Variants in NCOA6 observed in about 807,000 individuals in gnomAD.
NCOA6 encodes nuclear receptor coactivator 6.
A neutral mutation model predicts 171.4 loss-of-function variants in NCOA6; 49 were observed. That is an observed-to-expected ratio of 0.29 (90% CI 0.23 to 0.36). The LOEUF (loss-of-function observed/expected upper bound fraction) is 0.36. Ranked by LOEUF, NCOA6 falls within the 10% of genes least tolerant of loss-of-function variation. The pLI, the probability that NCOA6 is intolerant of heterozygous loss-of-function variation, is 1.00. For missense variants in NCOA6, 2,248 were observed against 2,554.5 expected (o/e 0.88, Z 2.59); for synonymous variants, 910 against 927.5 (o/e 0.98, Z 0.34).
chr20:34,749,949 G>T lies in NCOA6; in HGVS notation c.2246C>A (p.Pro749Gln). The change falls in exon 9 of 15, where the codon CCA (proline) becomes CAA (glutamine). Residue 749 changes from proline to glutamine, a missense_variant. Coordinates refer to ENST00000359003, the MANE Select transcript of NCOA6 (RefSeq NM_014071.5). ...GPAQIMRGPT[P>Q]NMQGNMVQFT... ...CTGCACCATATTTCCTTGCATGTTTGGAGTTGGTCCCCTCATTATCTGGGC... is the reference window on the plus strand; with the variant it reads ...CTGCACCATATTTCCTTGCATGTTTTGAGTTGGTCCCCTCATTATCTGGGC... 6.2e-7 allele frequency: 1 copy of T among 1,614,132 alleles called. No homozygotes were observed. Among genetic ancestry groups the T allele is most frequent in the South Asian group, 1.1e-5 (1 of 91,084 alleles).
At chr20:34,792,322 A>G in intron 2 of NCOA6, 128 bp downstream of exon 2, 1 of 380,114 alleles carries the variant, frequency 2.6e-6, no homozygotes, top group East Asian at 3.7e-5. Context: ...GTATTTTATT[A>G]AATGTCTCCA....
chr20:34,731,407 G>T (rs1476082396), intron 13 of NCOA6, among the ~76,000 whole-genome samples: 2 of 152,218 alleles, frequency 1.3e-5, no homozygotes, highest in African/African-American at 4.8e-5. Context: ...GAAGGCTTGG[G>T]TTTGAATCTA....
chr20:34,719,823 A>C (rs1989096303), intron 14 of NCOA6, among the ~76,000 whole-genome samples: 1 of 152,216 alleles, frequency 6.6e-6, no homozygotes, highest in Non-Finnish European at 1.5e-5. Context: ...TTTCAAAATG[A>C]AGCTACTACA....
intron 2 of NCOA6, among the ~76,000 whole-genome samples, chr20:34,791,428 C>T (rs551447943): frequency 6.6e-6 from 1 of 152,234 alleles, no homozygotes; most frequent in East Asian, 1.9e-4. Flanking sequence ...CTTGTGGCAA[C>T]AGCTCTACAG....
chr20:34,782,341 G>A lies in NCOA6; in HGVS notation c.15C>T (p.Asp5=). 2 of 1,597,890 alleles carry A rather than the reference G, an allele frequency of 1.3e-6. No homozygotes were observed. Among genetic ancestry groups the A allele is most frequent in the Non-Finnish European group, 1.7e-6 (2 of 1,170,720 alleles). The change falls in exon 3 of 15, where the codon GAC becomes GAT. Residue 5 remains aspartate (D), a synonymous_variant. Coordinates refer to ENST00000359003, the MANE Select transcript of NCOA6 (RefSeq NM_014071.5). The stretch of plus-strand genomic sequence containing the variant: ...TATAGATGTCTTCTAAGTTTGGAAG[G>A]TCATCCAAAACCATGGTGAATATTA... MVLD[D]LPNLEDIYTS... is the part of the protein sequence containing the mutation.
At chr20:34,731,912 T>C (rs112265587) in intron 13 of NCOA6, among the ~76,000 whole-genome samples, 5,384 of 152,254 alleles carry the variant, frequency 0.035, 139 homozygotes, top group Non-Finnish European at 0.055. Context: ...TCCCAGCTAC[T>C]TGTGAGGCTG....
At position 34,775,305 on chromosome 20, in the gene NCOA6, GGTGTGTGTGT is replaced by G. The variant is rs112658298; in HGVS notation, c.391+978_391+987del. 6.4e-4 allele frequency among the ~76,000 whole-genome samples: 95 copies of G among 148,324 alleles called. 1 individual carries two copies. The highest frequency in any genetic ancestry group is 2.3e-3 in the African/African-American group (95 of 40,440). ...AGGGGTGTAGGGTTATAGGGGTGTA[GGTGTGTGTGT>G]GTGTGTGTGTGTGTCTGTGCGTGCG... On this transcript the variant is annotated intron_variant, in intron 4 of 14. Coordinates refer to ENST00000359003, the MANE Select transcript of NCOA6 (RefSeq NM_014071.5).
Position 34,738,178 on chromosome 20 carries a change from C to T in NCOA6, c.5894-1420G>A, listed in dbSNP as rs549690573. Among the ~76,000 whole-genome samples the T allele has an allele frequency of 2.0e-5, 3 of 152,306 alleles. No homozygotes were observed. In the South Asian group the frequency reaches 6.2e-4, roughly 32 times the overall value. On this transcript the variant is annotated intron_variant, in intron 11 of 14. Transcript: ENST00000359003. ...TCGGCCTCTCAACATGCTGAGATTA[C>T]AGGCATGAGCCACCGTGCCTGGCCA...
chr20:34,786,354 A>G (rs919549946), intron 2 of NCOA6, among the ~76,000 whole-genome samples: 2 of 151,960 alleles, frequency 1.3e-5, no homozygotes, highest in African/African-American at 4.8e-5. Context: ...CCTTCAGTTC[A>G]GCTCTATTCT....
intron 1 of NCOA6, among the ~76,000 whole-genome samples, chr20:34,802,036 A>C (rs1046980503): frequency 6.6e-6 from 1 of 152,222 alleles, no homozygotes; most frequent in African/African-American, 2.4e-5. Flanking sequence ...ATAGTTCCAA[A>C]CTCATTCTAC....
intron 14 of NCOA6, among the ~76,000 whole-genome samples, chr20:34,715,630 G>C (rs1358626745): frequency 6.6e-6 from 1 of 152,196 alleles, no homozygotes; most frequent in Admixed American, 6.5e-5. Context: ...AGGGTGGAGA[G>C]AGCCTTTGTA....
chr20:34,768,540 A>G lies in NCOA6; in HGVS notation c.438T>C (p.Asp146=), dbSNP rs779884283. Residue 146 remains aspartate, a synonymous_variant, in exon 5 of 15, where the codon GAT becomes GAC. Coordinates refer to ENST00000359003, the MANE Select transcript of NCOA6 (RefSeq NM_014071.5). ...CTCCCATGGGTCCATTCATTCTCAC[A>G]TCTTGGCTTCGGTTCTGAGCCAAAG... ...NLALAQNRSQ[D]VRMNGPMGAG... is the part of the protein sequence containing the mutation. 5.6e-6 allele frequency: 9 copies of G among 1,614,062 alleles called. No individual in the cohort carries two copies. Among genetic ancestry groups the G allele is most frequent in the Admixed American group, 1.7e-5 (1 of 60,010 alleles).
In NCOA6 at chr20:34,810,990, G is replaced by A. The variant is rs977743491; in HGVS notation, c.-164+14482C>T. Among the ~76,000 whole-genome samples, 8 of 151,328 alleles carry A rather than the reference G, an allele frequency of 5.3e-5. No individual in the cohort carries two copies. In the South Asian group the frequency reaches 1.2e-3, roughly 24 times the overall value. On this transcript the variant is annotated intron_variant, in intron 1 of 14. Coordinates refer to ENST00000359003, the MANE Select transcript of NCOA6 (RefSeq NM_014071.5). Reference sequence around the variant, plus strand: ...ATATGAAAATATAGGGTGATAGAACGGAAAAAGGGCTAGGCTGAGCATTGC... The same window carrying A: ...ATATGAAAATATAGGGTGATAGAACAGAAAAAGGGCTAGGCTGAGCATTGC...
chr20:34,725,163 G>C (rs940743604), intron 14 of NCOA6, among the ~76,000 whole-genome samples: 1 of 152,126 alleles, frequency 6.6e-6, no homozygotes, highest in Non-Finnish European at 1.5e-5. Context: ...TTGATAGATG[G>C]TTATTCATTT....
intron 14 of NCOA6, among the ~76,000 whole-genome samples, chr20:34,718,481 T>C (rs1311891668): frequency 3.5e-5 from 5 of 143,864 alleles, no homozygotes; most frequent in Admixed American, 7.0e-5. Flanking sequence ...GCAAATCACC[T>C]TTTTTTTTTT....
At chr20:34,739,918 C>G (rs1159734600) in intron 11 of NCOA6, among the ~76,000 whole-genome samples, 1 of 152,166 alleles carries the variant, frequency 6.6e-6, no homozygotes, top group Non-Finnish European at 1.5e-5. Context: ...GGCTGGAGTG[C>G]AGTGGCATGA....
intron 1 of NCOA6, chr20:34,809,311 T>C (rs2078574306): frequency 1.3e-5 from 5 of 393,842 alleles, no homozygotes; most frequent in East Asian, 3.6e-5. Flanking sequence ...CAAATGCAGC[T>C]TGCCAAAGTA....
chr20:34,748,694 C>T (rs971442068), intron 9 of NCOA6, among the ~76,000 whole-genome samples: 17 of 152,128 alleles, frequency 1.1e-4, no homozygotes, highest in African/African-American at 3.6e-4. Context: ...TGCAAAATAA[C>T]TCACCTGGAG....
chr20:34,750,997 A>T (rs2076460394), intron 8 of NCOA6, among the ~76,000 whole-genome samples: 1 of 152,048 alleles, frequency 6.6e-6, no homozygotes, highest in South Asian at 2.1e-4. Context: ...CTGGTGACAG[A>T]GTGAAACCCC....
Sources: gnomAD v4.1 joint callset for allele counts (sites outside exome capture counted in the v4.1 genomes callset) on GRCh38, gnomAD v4.1.1 for gene constraint, MANE v1.5 for transcripts, NCBI Gene and HGNC (gene_info 2026-07-23, HGNC 2026-07-21) for gene names.